SCYL1: variants seen among roughly 807,000 people sequenced by gnomAD.
The protein encoded by SCYL1 is SCY1 like pseudokinase 1.
A neutral mutation model predicts 94.8 loss-of-function variants in SCYL1; 85 were observed. That is an observed-to-expected ratio of 0.90 (90% CI 0.75 to 1.07). The LOEUF is 1.07. Ranked by LOEUF, SCYL1 falls within the 50% of genes least tolerant of loss-of-function variation. The pLI is 0.00. For missense variants in SCYL1, 968 were observed against 1,083.3 expected, an observed-to-expected ratio of 0.89 and a Z score of 1.49; for synonymous variants, 459 against 435.5, an observed-to-expected ratio of 1.05 and a Z score of -0.67.
Position 65,535,964 on chromosome 11 carries a change from G to A in SCYL1, c.1398G>A (p.Arg466=), listed in dbSNP as rs1855615749. 6.3e-7 allele frequency: 1 copy of A among 1,593,752 alleles called. No individual in the cohort carries two copies. The highest frequency in any genetic ancestry group is 8.6e-7 in the Non-Finnish European group (1 of 1,169,150). Residue 466 remains arginine (R), a synonymous_variant, in exon 11 of 18, where the codon AGG becomes AGA. Coordinates refer to ENST00000270176, the MANE Select transcript of SCYL1 (RefSeq NM_020680.4). ...CTGCCCCATCGTAGACCAGACACAG[G>A]GTCCTTACCTCTGCCTTCAGCCGAG... ...GSYLSASTRH[R]VLTSAFSRAT... is the part of the protein sequence containing the mutation.
rs547614639 is a variant in SCYL1 at position 65,528,030 on chromosome 11, C to T, written c.849+913C>T. ...ACTGGCTGCAGGGGGGTGGGCAGCA[C>T]GGTGTGGAGGAAGGTGAGGCGGACC... On this transcript the variant is annotated intron_variant, in intron 6 of 17. Transcript: ENST00000270176. Among the ~76,000 whole-genome samples, 8 of 152,280 alleles carry T rather than the reference C, an allele frequency of 5.3e-5. 1 individual carries two copies. The South Asian group carries it at 1.0e-3, about 20-fold the overall frequency.
rs761461911 is a variant in SCYL1, at chr11:65,527,079, C to T, written c.811C>T (p.Arg271Cys). ...GGCACCTGGTGGCTTCATGAGCAAC[C>T]GCTTTGTAGAAACCAACCTCTTCCT... is the stretch of plus-strand genomic sequence containing the variant. The part of the protein sequence containing the change: ...CRAPGGFMSN[R>C]FVETNLFLEE... Residue 271 changes from arginine (R) to cysteine (C), a missense_variant, in exon 6 of 18, where the codon CGC (arginine) becomes TGC (cysteine). By Grantham distance (180) the Arg-to-Cys change is radical. Transcript: ENST00000270176. 33 of 1,613,468 alleles carry T rather than the reference C, an allele frequency of 2.0e-5. No homozygotes were observed. Among genetic ancestry groups the T allele is most frequent in the Middle Eastern group, 1.6e-4 (1 of 6,082 alleles).
chr11:65,531,747 C>A, intron 8 of SCYL1, 64 bp downstream of exon 8: 1 of 1,255,914 alleles, frequency 8.0e-7, no homozygotes, highest in Non-Finnish European at 1.2e-6. Flanking sequence ...GCTGGGGAGG[C>A]ACCTGCCCTG....
chr11:65,534,153 C>T (rs985114512), intron 9 of SCYL1, among the ~76,000 whole-genome samples: 33 of 152,136 alleles, frequency 2.2e-4, no homozygotes, highest in African/African-American at 6.7e-4. Context: ...ATGGTGTGAA[C>T]CTCGGAGATG....
chr11:65,538,467 G>A lies in SCYL1; in HGVS notation c.2328G>A (p.Arg776=). ...GACAGGTCAAGGCTGAGCTGGCCCG[G>A]AAGAAGCGCGAGGAGCGGCGGCGGG... The part of the protein sequence containing the change: ...DSRQVKAELA[R]KKREERRREM... Residue 776 remains arginine, a synonymous_variant, in exon 18 of 18, where the codon CGG becomes CGA. Coordinates refer to ENST00000270176, the MANE Select transcript of SCYL1 (RefSeq NM_020680.4). The A allele has an allele frequency of 1.3e-6, 2 of 1,576,622 alleles. No individual in the cohort carries two copies. The highest frequency in any genetic ancestry group is 1.7e-6 in the Non-Finnish European group (2 of 1,163,372).
At chr11:65,532,867 C>G in intron 9 of SCYL1, 62 bp downstream of exon 9, 1 of 1,291,222 alleles carries the variant, frequency 7.7e-7, no homozygotes, top group Non-Finnish European at 1.1e-6. Flanking sequence ...GGGGCTCACC[C>G]TAGACACAGA....
At chr11:65,537,202 T>C in intron 14 of SCYL1, 74 bp downstream of exon 14, 1 of 1,557,330 alleles carries the variant, frequency 6.4e-7, no homozygotes, top group Non-Finnish European at 8.8e-7. Context: ...GGAGCTTCTG[T>C]GGGGCCTGGC....
At chr11:65,535,480 CAG>C in intron 10 of SCYL1, 98 bp downstream of exon 10, 2 of 1,476,656 alleles carry the variant, frequency 1.4e-6, no homozygotes, top group Non-Finnish European at 9.3e-7. Flanking sequence ...TTCATTCTCC[CAG>C]AGACTTAGAC....
intron 1 of SCYL1, 142 bp downstream of exon 1, chr11:65,525,406 CG>C (rs1855023808): frequency 9.5e-7 from 1 of 1,049,134 alleles, no homozygotes; most frequent in African/African-American, 1.7e-5. Flanking sequence ...GCAGTGCCTA[CG>C]TGGCGGGCGG....
intron 9 of SCYL1, among the ~76,000 whole-genome samples, chr11:65,533,630 GT>G (rs994501260): frequency 1.9e-4 from 28 of 148,874 alleles, no homozygotes; most frequent in African/African-American, 7.0e-4. Context: ...AAATACAAAA[GT>G]TAGGCGCGTA....
intron 9 of SCYL1, among the ~76,000 whole-genome samples, chr11:65,534,402 ACT>A (rs1461859383): frequency 2.6e-5 from 4 of 152,020 alleles, no homozygotes; most frequent in Non-Finnish European, 4.4e-5. Context: ...ACAGAGTGAG[ACT>A]CTATCTCAGA....
rs892106203 is a variant in SCYL1, at chr11:65,538,686, C to T, written c.*120C>T. The T allele has an allele frequency of 3.8e-5, 48 of 1,269,738 alleles. No homozygotes were observed. In the Admixed American group the frequency reaches 1.1e-3, roughly 29 times the overall value. 78.7% of individuals were successfully genotyped at this position (1,269,738 alleles called of 1,614,324 possible). ...TCTCACGTGTACATAATCAGAGCCA[C>T]AATAAATTCTATTTCACACCCCTTG... On this transcript the variant is annotated 3_prime_UTR_variant, in exon 18 of 18. Transcript: ENST00000270176.
intron 6 of SCYL1, among the ~76,000 whole-genome samples, chr11:65,528,181 G>C (rs1020489016): frequency 2.6e-5 from 4 of 152,220 alleles, no homozygotes; most frequent in African/African-American, 7.2e-5. Context: ...AGTGGCTCAC[G>C]CCTGTAATCC....
In SCYL1 at chr11:65,526,001, C is replaced by T. The variant is rs2135028716; in HGVS notation, c.333C>T (p.Gly111=). The T allele has an allele frequency of 1.2e-6, 2 of 1,613,182 alleles. No individual in the cohort carries two copies. Among genetic ancestry groups the T allele is most frequent in the South Asian group, 1.1e-5 (1 of 91,070 alleles). Residue 111 remains glycine, a synonymous_variant, in exon 3 of 18, where the codon GGC becomes GGT. Transcript: ENST00000270176. The surrounding 1 kb of genome is among the most constrained non-coding windows in gnomAD (Gnocchi z 4.1). ...IYLKARVEAG[G]LKELEISWGL... ...TCAAGGCGAGAGTGGAGGCTGGTGG[C>T]CTGAAGGAGCTGGAGATCTCCTGGG...
intron 7 of SCYL1, 92 bp from the exon 8 acceptor site, chr11:65,531,484 C>T: frequency 1.1e-6 from 1 of 917,262 alleles, no homozygotes; most frequent in Non-Finnish European, 1.8e-6. Flanking sequence ...ACTTCATTCC[C>T]ACCCTGGGAT....
chr11:65,531,826 C>A lies in SCYL1; in HGVS notation c.1116+143C>A, dbSNP rs898506135. On this transcript the variant is annotated intron_variant, in intron 8 of 17. Transcript: ENST00000270176. Reference sequence around the variant, plus strand: ...AACTGAGGGACCCAATGAGGCCAGGCTCTCAGAAAGTTGGCCACATACAGG... The same window carrying A: ...AACTGAGGGACCCAATGAGGCCAGGATCTCAGAAAGTTGGCCACATACAGG... The A allele has an allele frequency of 2.1e-5, 14 of 651,830 alleles. No individual in the cohort carries two copies. In the African/African-American group the frequency reaches 2.5e-4, roughly 12 times the overall value. The allele number at this position is 651,830 out of a possible 1,614,324, so 40.4% of individuals were successfully genotyped here.
At chr11:65,538,405 G>C (rs1270678949) in intron 17 of SCYL1, 37 bp from the exon 18 acceptor site, 1 of 1,540,824 alleles carries the variant, frequency 6.5e-7, no homozygotes, top group Non-Finnish European at 8.8e-7. Context: ...GGCACTGGCT[G>C]GAGAGCTGAG....
intron 6 of SCYL1, 53 bp downstream of exon 6, chr11:65,527,170 T>A: frequency 6.3e-7 from 1 of 1,581,714 alleles, no homozygotes; most frequent in Non-Finnish European, 8.7e-7. Context: ...ATTCTGCCCC[T>A]ACCCTGCTTT....
In SCYL1 at chr11:65,538,002, A is replaced by C. The variant is rs745551832; in HGVS notation, c.2067A>C (p.Pro689=). The C allele has an allele frequency of 6.2e-7, 1 of 1,612,932 alleles. No homozygotes were observed. The highest frequency in any genetic ancestry group is 2.2e-5 in the East Asian group (1 of 44,826). The change falls in exon 16 of 18, where the codon CCA becomes CCC. Residue 689 remains proline, a synonymous_variant. Transcript: ENST00000270176. ...CCGACCACAAATCCTCCAAATCCCCAGAGTCCGACTGGAGCAGCTGGGAAG... is the reference window on the plus strand; with the variant it reads ...CCGACCACAAATCCTCCAAATCCCCCGAGTCCGACTGGAGCAGCTGGGAAG... ...SNSDHKSSKS[P]ESDWSSWEAE...
Sources: gnomAD v4.1 joint callset for allele counts (sites outside exome capture counted in the v4.1 genomes callset) on GRCh38, gnomAD v4.1.1 for gene constraint, Gnocchi (gnomAD v3.1) non-coding constraint, MANE v1.5 for transcripts, NCBI Gene and HGNC (gene_info 2026-07-23, HGNC 2026-07-21) for gene names.